Variants in TOPAZ1 observed in about 807,000 individuals in gnomAD.
TOPAZ1 encodes protein TOPAZ1.
TOPAZ1 carries 66 observed loss-of-function variants against 172.2 expected under a neutral mutation model. That is an observed-to-expected ratio of 0.38 (90% CI 0.31 to 0.47). The LOEUF (loss-of-function observed/expected upper bound fraction) is 0.47. Among genes scored for constraint, TOPAZ1 ranks in the 20% least tolerant of loss-of-function variants. The pLI is 0.99. For missense variants in TOPAZ1, 1,822 were observed against 1,972.4 expected (o/e 0.92, Z 1.44); for synonymous variants, 681 against 683.9 (o/e 1.00, Z 0.07).
At chr3:44,333,894 C>T (rs2125709227), downstream of TOPAZ1, among the ~76,000 whole-genome samples, 1 of 152,222 alleles carries the variant, frequency 6.6e-6, no homozygotes, top group East Asian at 1.9e-4. Flanking sequence ...GGACTGAGCT[C>T]GCCACAGGAG....
At chr3:44,257,471 T>A (rs1412691355) in intron 4 of TOPAZ1, among the ~76,000 whole-genome samples, 3 of 2,626 alleles carry the variant, frequency 1.1e-3, no homozygotes, top group Non-Finnish European at 1.6e-3. Flanking sequence ...ATATATATAG[T>A]GTGTGTGTGT....
intron 16 of TOPAZ1, among the ~76,000 whole-genome samples, chr3:44,313,765 G>C (rs762425756): frequency 3.9e-5 from 6 of 152,130 alleles, no homozygotes; most frequent in Non-Finnish European, 7.4e-5. Flanking sequence ...CTGATACTAT[G>C]TTTTTTGGTT....
In TOPAZ1 at chr3:44,331,831, AGCT is replaced by A. The variant is rs1432085600; in HGVS notation, c.4902_4904del (p.Ala1635del). On this transcript the variant is annotated inframe_deletion, in exon 20 of 20. Transcript: ENST00000309765. ...AGTCTCGGAGCAATGATGATTATCA[AGCT>A]GCAGTAGAAAGGTTAATTATGGCTG... The A allele has an allele frequency of 6.4e-7, 1 of 1,552,174 alleles. No homozygotes were observed. The highest frequency in any genetic ancestry group is 2.4e-5 in the East Asian group (1 of 40,902).
At chr3:44,311,167 A>G (rs1700394079) in intron 16 of TOPAZ1, among the ~76,000 whole-genome samples, 1 of 152,188 alleles carries the variant, frequency 6.6e-6, no homozygotes, top group African/African-American at 2.4e-5. Context: ...TATGGGAAAT[A>G]TATGTATATA....
intron 9 of TOPAZ1, among the ~76,000 whole-genome samples, chr3:44,283,737 A>C (rs1700047061): frequency 6.6e-6 from 1 of 152,180 alleles, no homozygotes; most frequent in Non-Finnish European, 1.5e-5. Context: ...GTGTACACAC[A>C]CGTGTGCACA....
Position 44,270,800 on chromosome 3 carries a change from G to A in TOPAZ1, c.3362G>A (p.Gly1121Glu). 4 of 1,545,268 alleles carry A rather than the reference G, an allele frequency of 2.6e-6. No individual in the cohort carries two copies. The highest frequency in any genetic ancestry group is 3.5e-6 in the Non-Finnish European group (4 of 1,144,202). Residue 1121 changes from glycine (G) to glutamate (E), a missense_variant, in exon 8 of 20, where the codon GGG becomes GAG. Gly to Glu is a moderately conservative substitution (Grantham distance 98). This residue lies in a region of TOPAZ1 where 1,489 missense variants were observed against 1,490.8 expected (regional missense o/e 1.00). Coordinates refer to ENST00000309765, the MANE Select transcript of TOPAZ1 (RefSeq NM_001145030.2). The stretch of plus-strand genomic sequence containing the variant: ...AAGTTTGCTCATGTGCCTGAACAAG[G>A]GGATGAAAAGGTAAAACATATAAAG... ...LCKFAHVPEQ[G>E]DEKVCMDVFK...
In TOPAZ1 at chr3:44,310,937, A is replaced by G. The variant is rs186912524; in HGVS notation, c.4306+947A>G. Among the ~76,000 whole-genome samples the G allele has an allele frequency of 3.4e-3, 519 of 152,350 alleles. 2 individuals are homozygous for G. Among genetic ancestry groups the G allele is most frequent in the Middle Eastern group, 0.01 (3 of 294 alleles). On this transcript the variant is annotated intron_variant, in intron 16 of 19. Coordinates refer to ENST00000309765, the MANE Select transcript of TOPAZ1 (RefSeq NM_001145030.2). ...TATGAGAAAAATTAAAAAGAGCACA[A>G]TAGTGTTACGATACTAATGAAGCTA...
At chr3:44,325,698 C>T (rs1167818635) in intron 18 of TOPAZ1, among the ~76,000 whole-genome samples, 3 of 150,828 alleles carry the variant, frequency 2.0e-5, no homozygotes, top group African/African-American at 4.9e-5. Flanking sequence ...GGCTGGAGTA[C>T]AGTGGCGCAA....
intron 9 of TOPAZ1, among the ~76,000 whole-genome samples, chr3:44,283,116 T>C (rs1310296746): frequency 1.3e-5 from 2 of 152,134 alleles, no homozygotes; most frequent in Admixed American, 6.5e-5. Flanking sequence ...AAAGATCCAA[T>C]ATGGCCACAG....
At chr3:44,274,281 C>T (rs569711413) in intron 8 of TOPAZ1, among the ~76,000 whole-genome samples, 29 of 151,200 alleles carry the variant, frequency 1.9e-4, no homozygotes, top group African/African-American at 4.4e-4. Context: ...TGGTGGTGGG[C>T]GCCCAGCTAC....
rs1488800739 is a variant in TOPAZ1, at chr3:44,243,053, C to T, written c.547C>T (p.Leu183Phe). The change falls in exon 2 of 20, where the codon CTC becomes TTC. Residue 183 changes from leucine (L) to phenylalanine (F), a missense_variant. This residue lies in a region of TOPAZ1 where 1,489 missense variants were observed against 1,490.8 expected (regional missense o/e 1.00). Transcript: ENST00000309765. Reference protein sequence around the residue: ...KKLKSLENPPLKITENEATQN... With the variant: ...KKLKSLENPPFKITENEATQN... ...ACTTAAAAGCTTAGAAAACCCACCT[C>T]TCAAAATAACCGAAAATGAGGCTAC... The T allele has an allele frequency of 6.5e-7, 1 of 1,544,766 alleles. No individual in the cohort carries two copies. Among genetic ancestry groups the T allele is most frequent in the African/African-American group, 1.4e-5 (1 of 72,550 alleles).
chr3:44,242,990 A>G lies in TOPAZ1; in HGVS notation c.484A>G (p.Ile162Val), dbSNP rs542214654. 1.1e-5 allele frequency: 17 copies of G among 1,550,070 alleles called. No individual in the cohort carries two copies. In the Middle Eastern group the frequency reaches 8.4e-4, roughly 76 times the overall value. Reference sequence around the variant, plus strand: ...CTTGCAGTCTTTGGGTAAGGAAAGTATAATAGAAGGTATTAAAAGAAGAAT... The same window carrying G: ...CTTGCAGTCTTTGGGTAAGGAAAGTGTAATAGAAGGTATTAAAAGAAGAAT... ...ECLQSLGKES[I>V]IEGIKRRIRN... The change falls in exon 2 of 20, where the codon ATA becomes GTA. Residue 162 changes from isoleucine to valine, a missense_variant. Physicochemically the swap from Ile to Val is conservative, Grantham distance 29. This residue lies in a region of TOPAZ1 where 1,489 missense variants were observed against 1,490.8 expected (regional missense o/e 1.00). Transcript: ENST00000309765.
chr3:44,297,439 C>T (rs1280090484), intron 12 of TOPAZ1, among the ~76,000 whole-genome samples: 1 of 152,080 alleles, frequency 6.6e-6, no homozygotes. Context: ...AATTCAATAT[C>T]CATGCATTAT....
downstream of TOPAZ1, among the ~76,000 whole-genome samples, chr3:44,332,645 T>C (rs929249520): frequency 1.3e-5 from 2 of 152,266 alleles, no homozygotes; most frequent in South Asian, 4.2e-4. Flanking sequence ...ATTTAGGAAG[T>C]TAAAACTCTT....
intron 19 of TOPAZ1, 145 bp downstream of exon 19, chr3:44,328,578 C>T: frequency 2.4e-6 from 1 of 414,298 alleles, no homozygotes; most frequent in Non-Finnish European, 4.0e-6. Flanking sequence ...GTGTGTATTG[C>T]AAACTCTGAT....
chr3:44,293,711 A>G (rs939026883), intron 12 of TOPAZ1, among the ~76,000 whole-genome samples: 1 of 152,166 alleles, frequency 6.6e-6, no homozygotes, highest in African/African-American at 2.4e-5. Context: ...AAGAAAGAGA[A>G]ACTTTTTTTC....
chr3:44,298,844 A>G (rs1210072230), intron 12 of TOPAZ1, among the ~76,000 whole-genome samples: 1 of 62,626 alleles, frequency 1.6e-5, no homozygotes, highest in African/African-American at 4.6e-5. Flanking sequence ...ATATGTTTAT[A>G]TATATTATAT....
chr3:44,320,860 C>G (rs1700500004), intron 16 of TOPAZ1, among the ~76,000 whole-genome samples, 167 bp from the exon 17 acceptor site: 1 of 152,090 alleles, frequency 6.6e-6, no homozygotes, highest in Non-Finnish European at 1.5e-5. Context: ...ATGATCATCA[C>G]TATATAAGTT....
intron 5 of TOPAZ1, among the ~76,000 whole-genome samples, chr3:44,265,688 C>T (rs1699822905): frequency 6.6e-6 from 1 of 152,230 alleles, no homozygotes; most frequent in African/African-American, 2.4e-5. Context: ...TAGCTCTCAA[C>T]AGTGGGCTTA....
Sources: allele counts gnomAD v4.1 joint callset (sites outside exome capture counted in the v4.1 genomes callset), GRCh38; gene constraint gnomAD v4.1.1; regional missense constraint gnomAD v4.1.1; transcripts MANE v1.5; gene names NCBI Gene and HGNC (gene_info 2026-07-23, HGNC 2026-07-21).